Variants in RPS6KA5 observed in about 807,000 individuals in gnomAD.
RPS6KA5 encodes the protein ribosomal protein S6 kinase alpha-5.
A neutral mutation model predicts 85.5 loss-of-function variants in RPS6KA5; 27 were observed. The ratio of observed to expected loss-of-function variants is 0.32; its 90% CI spans 0.23 to 0.44. RPS6KA5 has a LOEUF of 0.44. Among genes scored for constraint, RPS6KA5 ranks in the 20% least tolerant of loss-of-function variants. The pLI, the probability that RPS6KA5 is intolerant of heterozygous loss-of-function variation, is 1.00. For synonymous variants in RPS6KA5, 334 were observed against 348.2 expected (o/e 0.96, Z 0.46); for missense variants, 811 against 980.9 (o/e 0.83, Z 2.31).
chr14:90,989,362 A>G lies in RPS6KA5; in HGVS notation c.176-10838T>C, dbSNP rs1456983071. On this transcript the variant is annotated intron_variant, in intron 2 of 16. Transcript: ENST00000614987. ...CTCAAGTACTCTACAACCGTGTGAA[A>G]GCACCAAAACCAGAAGAGTGAATCA... is the stretch of plus-strand genomic sequence containing the variant. Among the ~76,000 whole-genome samples the G allele has an allele frequency of 2.6e-5, 4 of 152,348 alleles. No homozygotes were observed. The East Asian group carries it at 7.7e-4, about 29-fold the overall frequency.
chr14:90,963,143 G>T (rs1157005475), intron 3 of RPS6KA5, among the ~76,000 whole-genome samples: 2 of 152,074 alleles, frequency 1.3e-5, no homozygotes, highest in African/African-American at 4.8e-5. Context: ...TGGTATCTTT[G>T]AAGAGGACAG....
At chr14:90,882,173 C>A (rs1020746543) in intron 14 of RPS6KA5, among the ~76,000 whole-genome samples, 7 of 151,474 alleles carry the variant, frequency 4.6e-5, no homozygotes, top group African/African-American at 1.7e-4. Context: ...TTTGTGGTTC[C>A]CAAGGGATTA....
chr14:90,900,276 A>C (rs1259555818), intron 10 of RPS6KA5, 35 bp from the exon 11 acceptor site: 1 of 1,485,630 alleles, frequency 6.7e-7, no homozygotes, highest in Non-Finnish European at 9.0e-7. Flanking sequence ...ACTTCAGAAA[A>C]TGTCAGTAAT....
rs1279175473 is a variant in RPS6KA5 at position 90,914,359 on chromosome 14, G to C, written c.806+5847C>G. Among the ~76,000 whole-genome samples the C allele has an allele frequency of 3.5e-5, 4 of 114,898 alleles. No homozygotes were observed. In the Admixed American group the frequency reaches 5.3e-4, roughly 15 times the overall value. 75.4% of individuals were successfully genotyped at this position (114,898 alleles called of 152,430 possible). A position where few individuals can be genotyped will look rare whatever the true frequency, so the allele number is the denominator to read the frequency against. On this transcript the variant is annotated intron_variant, in intron 7 of 16. Coordinates refer to ENST00000614987, the MANE Select transcript of RPS6KA5 (RefSeq NM_004755.4). ...GATGGAGTTTCACTCTTTCACAACA[G>C]GTTGGAGTGCAGTGGTGCAATCTCG... is the stretch of plus-strand genomic sequence containing the variant.
Position 90,872,153 on chromosome 14 carries a change from G to A in RPS6KA5, c.2330C>T (p.Thr777Ile), listed in dbSNP as rs1372886372. 1 of 1,614,028 alleles carries A rather than the reference G, an allele frequency of 6.2e-7. No individual in the cohort carries two copies. The highest frequency in any genetic ancestry group is 1.7e-5 in the Admixed American group (1 of 59,992). Residue 777 changes from threonine to isoleucine, a missense_variant, in exon 17 of 17, where the codon ACC (threonine) becomes ATC (isoleucine). Physicochemically the swap from Thr to Ile is moderately conservative, Grantham distance 89 (BLOSUM62 -1). Transcript: ENST00000614987. ...SSHSHGKTTPTKTLQPSNPAD... is the reference protein window; with the variant it reads ...SSHSHGKTTPIKTLQPSNPAD... ...AGGATTGCTGGGCTGCAGTGTCTTG[G>A]TGGGTGTAGTTTTACCGTGAGAATG...
chr14:90,865,542 A>G lies in RPS6KA5; in HGVS notation c.*6532T>C, dbSNP rs555396684. ...GAATGATGGTTATATGGGCGCATAT[A>G]TATGTAAACATTTATTGAGCTGTAT... is the stretch of plus-strand genomic sequence containing the variant. On this transcript the variant is annotated 3_prime_UTR_variant, in exon 17 of 17. Transcript: ENST00000614987. 1.8e-4 allele frequency: 27 copies of G among 152,356 alleles called. No homozygotes were observed. Among genetic ancestry groups the G allele is most frequent in the African/African-American group, 6.5e-4 (27 of 41,576 alleles). 9.4% of individuals were successfully genotyped at this position (152,356 alleles called of 1,614,324 possible).
intron 3 of RPS6KA5, among the ~76,000 whole-genome samples, chr14:90,963,985 A>G (rs554104406): frequency 7.9e-5 from 12 of 152,288 alleles, no homozygotes; most frequent in Admixed American, 2.0e-4. Flanking sequence ...ACTTTAGAAT[A>G]TATCCTCTTC....
chr14:90,928,513 T>G (rs1001827369), intron 5 of RPS6KA5, among the ~76,000 whole-genome samples: 15 of 151,612 alleles, frequency 9.9e-5, no homozygotes, highest in Admixed American at 8.5e-4. Context: ...TCAAGAAAAG[T>G]AACAAATGAA....
intron 3 of RPS6KA5, among the ~76,000 whole-genome samples, chr14:90,974,805 G>T (rs1000386450): frequency 6.6e-6 from 1 of 152,204 alleles, no homozygotes; most frequent in African/African-American, 2.4e-5. Flanking sequence ...AACCATTAGA[G>T]AACTGCTCAG....
intron 1 of RPS6KA5, among the ~76,000 whole-genome samples, chr14:91,042,356 A>C (rs1195347580): frequency 6.6e-6 from 1 of 152,032 alleles, no homozygotes; most frequent in Non-Finnish European, 1.5e-5. Context: ...AAAAATACAA[A>C]AAAAAATTAG....
At chr14:91,024,301 C>T (rs1458343602) in intron 1 of RPS6KA5, among the ~76,000 whole-genome samples, 1 of 151,724 alleles carries the variant, frequency 6.6e-6, no homozygotes, top group Non-Finnish European at 1.5e-5. Context: ...TTTTTAATAC[C>T]TGATTCCAGG....
At chr14:91,003,237 T>C (rs1224953620) in intron 1 of RPS6KA5, among the ~76,000 whole-genome samples, 1 of 152,102 alleles carries the variant, frequency 6.6e-6, no homozygotes, top group African/African-American at 2.4e-5. Flanking sequence ...GTTCATATAC[T>C]AGATTATATC....
At chr14:91,050,770 TA>T (rs33992291) in intron 1 of RPS6KA5, among the ~76,000 whole-genome samples, 4,128 of 151,108 alleles carry the variant, frequency 0.027, 135 homozygotes, top group African/African-American at 0.085. Flanking sequence ...AAAATAAAAA[TA>T]AAAAAAAAGC....
At position 90,856,868 on chromosome 14, in the gene RPS6KA5, C is replaced by G. The variant is rs2032312597; in HGVS notation, c.*15206G>C. On this transcript the variant is annotated 3_prime_UTR_variant, in exon 17 of 17. Transcript: ENST00000614987. Reference sequence around the variant, plus strand: ...CTGAAAAACACTAATCTTTCTGTCTCTATGGATTTGCCCATTCTGGACATT... The same window carrying G: ...CTGAAAAACACTAATCTTTCTGTCTGTATGGATTTGCCCATTCTGGACATT... The G allele has an allele frequency of 5.8e-6, 1 of 172,180 alleles. No homozygotes were observed. Among genetic ancestry groups the G allele is most frequent in the Non-Finnish European group, 1.2e-5 (1 of 82,016 alleles). 10.7% of individuals were successfully genotyped at this position (172,180 alleles called of 1,614,324 possible).
intron 2 of RPS6KA5, among the ~76,000 whole-genome samples, chr14:90,986,451 TAA>T (rs113517523): frequency 4.8e-5 from 7 of 145,016 alleles, no homozygotes; most frequent in East Asian, 2.0e-4. Context: ...AGCATCTTAC[TAA>T]AAAAAAAAAA....
chr14:91,000,344 T>C (rs187565449), intron 2 of RPS6KA5, among the ~76,000 whole-genome samples: 96 of 152,292 alleles, frequency 6.3e-4, no homozygotes, highest in African/African-American at 2.1e-3. Context: ...AGCCCTATTG[T>C]TGGGTTTCTA....
intron 1 of RPS6KA5, among the ~76,000 whole-genome samples, chr14:91,035,205 TAA>T (rs1205853164): frequency 5.7e-5 from 8 of 139,590 alleles, no homozygotes; most frequent in Admixed American, 7.2e-5. Context: ...CACTCACCCT[TAA>T]AAAAAAAAAA....
intron 9 of RPS6KA5, among the ~76,000 whole-genome samples, chr14:90,901,636 C>T (rs1490549943): frequency 1.3e-5 from 2 of 152,100 alleles, no homozygotes; most frequent in South Asian, 2.1e-4. Flanking sequence ...TCAATAAGTG[C>T]CCAGTCACAT....
chr14:91,037,527 T>C (rs192725134), intron 1 of RPS6KA5, among the ~76,000 whole-genome samples: 2 of 152,328 alleles, frequency 1.3e-5, no homozygotes, highest in East Asian at 3.9e-4. Flanking sequence ...TTAATTACCT[T>C]GGTGAATGAA....
Sources: allele counts gnomAD v4.1 joint callset (sites outside exome capture counted in the v4.1 genomes callset), GRCh38; gene constraint gnomAD v4.1.1; transcripts MANE v1.5; gene names NCBI Gene and HGNC (gene_info 2026-07-23, HGNC 2026-07-21).